The following ABCC4 variants were observed in gnomAD, a reference collection of about 807,000 sequenced individuals.
ABCC4 encodes ATP-binding cassette sub-family C member 4.
In ABCC4, 102 loss-of-function variants were observed where a neutral mutation model predicts 168.5. The ratio of observed to expected loss-of-function variants is 0.61; its 90% CI spans 0.52 to 0.71. The LOEUF is 0.71. Among genes scored for constraint, ABCC4 ranks in the 30% least tolerant of loss-of-function variants. The probability of loss-of-function intolerance (pLI) is 0.00; values close to 1 mark genes in which losing one functional copy is unlikely to be tolerated. For missense variants in ABCC4, 1,402 were observed against 1,605.8 expected (o/e 0.87, Z 2.17); for synonymous variants, 617 against 590.7 (o/e 1.04, Z -0.65).
chr13:95,205,999 G>C (rs571812334), intron 8 of ABCC4, among the ~76,000 whole-genome samples: 3 of 152,170 alleles, frequency 2.0e-5, no homozygotes, highest in Non-Finnish European at 4.4e-5. Flanking sequence ...AAGCGGACAG[G>C]AAAGAAATGG....
chr13:95,216,604 T>A, intron 4 of ABCC4, among the ~76,000 whole-genome samples: 1 of 62,668 alleles, frequency 1.6e-5, no homozygotes. Flanking sequence ...GTGCAGGAAA[T>A]TCACAAAAAA....
chr13:95,211,844 A>G (rs748999754), intron 4 of ABCC4, among the ~76,000 whole-genome samples: 1 of 152,150 alleles, frequency 6.6e-6, no homozygotes, highest in Non-Finnish European at 1.5e-5. Flanking sequence ...GGGCTATGTG[A>G]ATGGGAAAAA....
intron 29 of ABCC4, among the ~76,000 whole-genome samples, chr13:95,043,033 G>T (rs1341422499): frequency 6.6e-6 from 1 of 152,148 alleles, no homozygotes; most frequent in Admixed American, 6.5e-5. Flanking sequence ...GCCTCCTAAA[G>T]TGCTGAGATT....
intron 19 of ABCC4, among the ~76,000 whole-genome samples, chr13:95,133,880 A>G (rs2036057454): frequency 6.6e-6 from 1 of 152,216 alleles, no homozygotes; most frequent in African/African-American, 2.4e-5. Context: ...ACGCCATAGC[A>G]ATTGACCTTT....
At position 95,270,260 on chromosome 13, in the gene ABCC4, A is replaced by C. The variant is rs548591981; in HGVS notation, c.75-22507T>G. On this transcript the variant is annotated intron_variant, in intron 1 of 30. Transcript: ENST00000645237. Reference sequence around the variant, plus strand: ...TCTCTAATCAACAATGACTGTGGGAAGGGGAAGAGAAAAAATGACTTTTTT... The same window carrying C: ...TCTCTAATCAACAATGACTGTGGGACGGGGAAGAGAAAAAATGACTTTTTT... Among the ~76,000 whole-genome samples the C allele has an allele frequency of 5.3e-5, 8 of 152,060 alleles. 1 individual carries two copies. In the South Asian group the frequency reaches 1.7e-3, roughly 32 times the overall value.
At chr13:95,026,677 C>T (rs1042612342) in intron 30 of ABCC4, among the ~76,000 whole-genome samples, 26 of 151,974 alleles carry the variant, frequency 1.7e-4, no homozygotes, top group African/African-American at 6.0e-4. Flanking sequence ...TGGTTTAAGC[C>T]CAGGAGTTCA....
intron 19 of ABCC4, among the ~76,000 whole-genome samples, chr13:95,134,423 T>A (rs1404139274): frequency 6.6e-6 from 1 of 152,054 alleles, no homozygotes; most frequent in South Asian, 2.1e-4. Flanking sequence ...AGAAAAGTGT[T>A]CTAAGAATAT....
At chr13:95,240,541 C>T (rs1194295462) in intron 3 of ABCC4, among the ~76,000 whole-genome samples, 22 of 19,714 alleles carry the variant, frequency 1.1e-3, no homozygotes, top group African/African-American at 2.3e-3. Flanking sequence ...AACACACACA[C>T]ACACACACAC....
chr13:95,081,102 T>C (rs185677817), intron 21 of ABCC4, among the ~76,000 whole-genome samples: 1 of 152,288 alleles, frequency 6.6e-6, no homozygotes, highest in Non-Finnish European at 1.5e-5. Context: ...ATTTAACTCA[T>C]TGTTACAGCC....
intron 20 of ABCC4, among the ~76,000 whole-genome samples, chr13:95,088,621 G>C (rs1191616305): frequency 1.3e-5 from 2 of 151,986 alleles, no homozygotes; most frequent in African/African-American, 4.8e-5. Flanking sequence ...TATAACACCT[G>C]TTTCAAATAA....
In ABCC4 at chr13:95,043,317, C is replaced by A. The variant is rs546034525; in HGVS notation, c.3735+365G>T. 1.6e-3 allele frequency: 291 copies of A among 179,784 alleles called. 1 individual carries two copies. Among genetic ancestry groups the A allele is most frequent in the Admixed American group, 3.0e-3 (51 of 17,084 alleles). The allele number at this position is 179,784 out of a possible 1,614,324, so 11.1% of individuals were successfully genotyped here. A position where few individuals can be genotyped will look rare whatever the true frequency, so the allele number is the denominator to read the frequency against. On this transcript the variant is annotated intron_variant, in intron 29 of 30. Transcript: ENST00000645237. ...CCTTGCAGTATATAAAAACCTAAAT[C>A]TTTCATTAAGGGGATCAAGCATGCT...
At chr13:95,296,904 T>C (rs746546718) in intron 1 of ABCC4, among the ~76,000 whole-genome samples, 2 of 151,880 alleles carry the variant, frequency 1.3e-5, no homozygotes, top group Non-Finnish European at 2.9e-5. Flanking sequence ...GGGGAAAAAA[T>C]GGGGACTATC....
At chr13:95,082,195 T>C (rs2034119573) in intron 21 of ABCC4, among the ~76,000 whole-genome samples, 1 of 152,298 alleles carries the variant, frequency 6.6e-6, no homozygotes, top group East Asian at 1.9e-4. Flanking sequence ...GATACAAATA[T>C]CTTCCTTCTT....
At chr13:95,137,948 G>A (rs886511021) in intron 19 of ABCC4, among the ~76,000 whole-genome samples, 35 of 152,256 alleles carry the variant, frequency 2.3e-4, no homozygotes, top group Non-Finnish European at 4.1e-4. Flanking sequence ...CTGGAACCCT[G>A]ATTAAGCAGC....
intron 20 of ABCC4, among the ~76,000 whole-genome samples, chr13:95,089,273 G>T (rs1463101228): frequency 6.6e-6 from 1 of 152,134 alleles, no homozygotes; most frequent in Non-Finnish European, 1.5e-5. Flanking sequence ...TTGGAATCCA[G>T]CATTATCCTG....
In ABCC4 at chr13:95,301,307, G is replaced by A. The variant is rs777538351; in HGVS notation, c.8C>T (p.Pro3Leu). Residue 3 changes from proline to leucine, a missense_variant, in exon 1 of 31, where the codon CCC becomes CTC. By Grantham distance (98) the Pro-to-Leu change is moderately conservative (BLOSUM62 -3). Coordinates refer to ENST00000645237, the MANE Select transcript of ABCC4 (RefSeq NM_005845.5). Reference protein sequence around the residue: MLPVYQEVKPNPL... With the variant: MLLVYQEVKPNPL... ...GTTGGGCTTCACCTCCTGGTACACG[G>A]GCAGCATCTTGCCGGGCGGGGCGGG... is the stretch of plus-strand genomic sequence containing the variant. 1 of 1,592,946 alleles carries A rather than the reference G, an allele frequency of 6.3e-7. No individual in the cohort carries two copies. The highest frequency in any genetic ancestry group is 8.5e-7 in the Non-Finnish European group (1 of 1,170,736).
intron 24 of ABCC4, 105 bp from the exon 25 acceptor site, chr13:95,071,958 G>C (rs2033741783): frequency 6.5e-6 from 6 of 917,064 alleles, no homozygotes; most frequent in Non-Finnish European, 9.1e-6. Flanking sequence ...AGTTGGTTAA[G>C]GAGAGAAGCA....
At chr13:95,188,742 T>C (rs1198148966) in intron 9 of ABCC4, among the ~76,000 whole-genome samples, 200 bp from the exon 10 acceptor site, 1 of 152,166 alleles carries the variant, frequency 6.6e-6, no homozygotes, top group Non-Finnish European at 1.5e-5. Flanking sequence ...GTTTGGAGTC[T>C]TCAGTACTTA....
intron 20 of ABCC4, among the ~76,000 whole-genome samples, chr13:95,099,000 G>A (rs1486792986): frequency 6.6e-6 from 1 of 152,004 alleles, no homozygotes; most frequent in Non-Finnish European, 1.5e-5. Context: ...TGAACTTTAC[G>A]AACCCAGCAA....
Sources: allele counts gnomAD v4.1 joint callset (sites outside exome capture counted in the v4.1 genomes callset), GRCh38; gene constraint gnomAD v4.1.1; transcripts MANE v1.5; gene names NCBI Gene and HGNC (gene_info 2026-07-23, HGNC 2026-07-21).